The following CPNE4 variants were observed in gnomAD, a reference collection of about 807,000 sequenced individuals.
The protein encoded by CPNE4 is copine 4.
A neutral mutation model predicts 67.9 loss-of-function variants in CPNE4; 25 were observed. The observed-to-expected ratio is 0.37, with a 90% confidence interval of 0.27 to 0.51. The LOEUF (loss-of-function observed/expected upper bound fraction) is 0.51, where lower values mean the gene tolerates loss of function less well. CPNE4 is among the 20% of genes least tolerant of loss of function. The probability of loss-of-function intolerance (pLI) is 0.93; values close to 1 mark genes in which losing one functional copy is unlikely to be tolerated. For missense variants in CPNE4, 464 were observed against 690.8 expected (o/e 0.67, Z 3.68); for synonymous variants, 242 against 244.9 (o/e 0.99, Z 0.11).
chr3:131,605,239 C>T (rs1032996945), intron 7 of CPNE4, among the ~76,000 whole-genome samples: 1 of 152,096 alleles, frequency 6.6e-6, no homozygotes, highest in African/African-American at 2.4e-5. Context: ...TATATGAAAG[C>T]TGAGACAGAA....
At chr3:131,689,097 T>C (rs555515004) in intron 5 of CPNE4, among the ~76,000 whole-genome samples, 33 of 152,210 alleles carry the variant, frequency 2.2e-4, no homozygotes, top group Non-Finnish European at 4.9e-4. Flanking sequence ...TGAAAATCTA[T>C]ACGCAGCATA....
intron 1 of CPNE4, among the ~76,000 whole-genome samples, chr3:131,973,486 G>A (rs748729): frequency 0.18 from 27,177 of 152,092 alleles, 3,055 homozygotes; most frequent in African/African-American, 0.32. Flanking sequence ...TACATATATT[G>A]ATTAACTTAT....
At chr3:131,608,035 C>T (rs894149434) in intron 7 of CPNE4, among the ~76,000 whole-genome samples, 1 of 152,088 alleles carries the variant, frequency 6.6e-6, no homozygotes, top group African/African-American at 2.4e-5. Context: ...TACAATCTTC[C>T]CCAACTTATT....
intron 7 of CPNE4, among the ~76,000 whole-genome samples, chr3:131,594,412 T>A (rs1401388162): frequency 1.3e-5 from 2 of 152,206 alleles, no homozygotes; most frequent in African/African-American, 4.8e-5. Context: ...TATATTCAAC[T>A]GAACTTTGAG....
At chr3:131,897,591 C>T (rs1200036549) in intron 2 of CPNE4, among the ~76,000 whole-genome samples, 1 of 151,756 alleles carries the variant, frequency 6.6e-6, no homozygotes, top group Non-Finnish European at 1.5e-5. Flanking sequence ...TCTACTATAC[C>T]TCAATAAAAA....
intron 2 of CPNE4, among the ~76,000 whole-genome samples, chr3:131,733,967 C>A (rs1366367805): frequency 6.6e-6 from 1 of 152,190 alleles, no homozygotes; most frequent in Non-Finnish European, 1.5e-5. Flanking sequence ...CTGAGGCCTG[C>A]CTCAACCCTC....
chr3:131,951,544 A>AGTCTCCCTCTCCCTCTCTTTCCACG (rs879560985), intron 1 of CPNE4, among the ~76,000 whole-genome samples: 7 of 151,258 alleles, frequency 4.6e-5, no homozygotes, highest in South Asian at 2.1e-4. Context: ...CTCTCCCCAC[A>AGTCTCCCTCTCCCTCTCTTTCCACG]GTCTCCCTCT....
At chr3:131,853,409 A>G (rs1218282092) in intron 2 of CPNE4, among the ~76,000 whole-genome samples, 1 of 151,840 alleles carries the variant, frequency 6.6e-6, no homozygotes, top group Non-Finnish European at 1.5e-5. Flanking sequence ...TATCCTATAA[A>G]CAAAATTAAT....
chr3:131,935,007 G>A (rs1158227621), intron 1 of CPNE4, among the ~76,000 whole-genome samples: 2 of 152,140 alleles, frequency 1.3e-5, no homozygotes, highest in East Asian at 3.9e-4. Flanking sequence ...GAGATTTTAG[G>A]AGGATGTAAA....
chr3:131,555,403 GT>G, intron 12 of CPNE4, 93 bp downstream of exon 12: 1 of 1,068,494 alleles, frequency 9.4e-7, no homozygotes. Context: ...ACACAGTTAG[GT>G]CAGAGTCAGG....
At chr3:131,924,860 G>T (rs1009221397) in intron 1 of CPNE4, among the ~76,000 whole-genome samples, 1 of 152,116 alleles carries the variant, frequency 6.6e-6, no homozygotes, top group Non-Finnish European at 1.5e-5. Context: ...CAAACAGCAG[G>T]ATCACAAATG....
intron 1 of CPNE4, among the ~76,000 whole-genome samples, chr3:131,937,134 C>A (rs2107844775): frequency 6.6e-6 from 1 of 152,090 alleles, no homozygotes; most frequent in Non-Finnish European, 1.5e-5. Context: ...TAAAAACATA[C>A]AATCAAGAAA....
chr3:132,020,787 A>G (rs2073978767), intron 1 of CPNE4, among the ~76,000 whole-genome samples: 1 of 152,206 alleles, frequency 6.6e-6, no homozygotes. Context: ...AGGTCATCAC[A>G]GGACACTGTT....
At chr3:131,635,399 C>T (rs2079351804) in intron 7 of CPNE4, among the ~76,000 whole-genome samples, 1 of 152,248 alleles carries the variant, frequency 6.6e-6, no homozygotes, top group Middle Eastern at 3.4e-3. Context: ...ATACAATTAC[C>T]TTTCTACTTA....
rs147817466 is a variant in CPNE4 at position 131,817,102 on chromosome 3, G to A, written c.180+88162C>T. ...GGCATTTTCAGCACACATCAGCAAT[G>A]TTGGGAAAGGATGAGGAGGTGCAAA... On this transcript the variant is annotated intron_variant, in intron 2 of 15. Transcript: ENST00000429747. 1.6e-3 allele frequency among the ~76,000 whole-genome samples: 247 copies of A among 152,322 alleles called. 12 individuals are homozygous for A. In the East Asian group the frequency reaches 0.046, roughly 28 times the overall value.
chr3:131,833,120 T>C (rs1016427599), intron 2 of CPNE4, among the ~76,000 whole-genome samples: 6 of 152,128 alleles, frequency 3.9e-5, no homozygotes, highest in Non-Finnish European at 8.8e-5. Flanking sequence ...AAGTACACCA[T>C]CACTAGACAC....
chr3:131,899,345 C>A (rs2088463221), intron 2 of CPNE4, among the ~76,000 whole-genome samples: 1 of 152,054 alleles, frequency 6.6e-6, no homozygotes, highest in Admixed American at 6.6e-5. Context: ...CCCCACATTG[C>A]CAGATTTTCT....
At chr3:131,798,393 G>A (rs2083978442) in intron 2 of CPNE4, among the ~76,000 whole-genome samples, 1 of 152,128 alleles carries the variant, frequency 6.6e-6, no homozygotes, top group Non-Finnish European at 1.5e-5. Flanking sequence ...TTCATGACCT[G>A]TACAAGACAA....
chr3:131,778,801 C>T lies in CPNE4; in HGVS notation c.181-55176G>A, dbSNP rs531288298. Among the ~76,000 whole-genome samples, 107 of 152,108 alleles carry T rather than the reference C, an allele frequency of 7.0e-4. 2 individuals are homozygous for T. Among genetic ancestry groups the T allele is most frequent in the African/African-American group, 2.5e-3 (102 of 41,524 alleles). The stretch of plus-strand genomic sequence containing the variant: ...GTAGGGTAATACAAAACCGGTGCTG[C>T]CACTCCTATTCAACATAATCCTGGA... On this transcript the variant is annotated intron_variant, in intron 2 of 15. Coordinates refer to ENST00000429747, the MANE Select transcript of CPNE4 (RefSeq NM_130808.3).
Sources: gnomAD v4.1 joint callset for allele counts (sites outside exome capture counted in the v4.1 genomes callset) on GRCh38, gnomAD v4.1.1 for gene constraint, MANE v1.5 for transcripts, NCBI Gene and HGNC (gene_info 2026-07-23, HGNC 2026-07-21) for gene names.